Variants in SYT14 observed in about 807,000 individuals in gnomAD.
The protein encoded by SYT14 is synaptotagmin-14.
SYT14 carries 32 observed loss-of-function variants against 74.2 expected under a neutral mutation model. The ratio of observed to expected loss-of-function variants is 0.43; its 90% CI spans 0.33 to 0.58. The LOEUF (loss-of-function observed/expected upper bound fraction) is 0.58, where lower values mean the gene tolerates loss of function less well. SYT14 is among the 20% of genes least tolerant of loss of function. SYT14 has a pLI of 0.05. For synonymous variants in SYT14, 298 were observed against 337.7 expected, an observed-to-expected ratio of 0.88 and a Z score of 1.29; for missense variants, 791 against 981.8, an observed-to-expected ratio of 0.81 and a Z score of 2.60.
intron 5 of SYT14, among the ~76,000 whole-genome samples, chr1:210,056,466 C>A (rs1450284639): frequency 6.6e-6 from 1 of 151,970 alleles, no homozygotes; most frequent in Non-Finnish European, 1.5e-5. Flanking sequence ...CTTATTTCTT[C>A]TTTTATTAGT....
At chr1:210,100,590 C>A in intron 7 of SYT14, 129 bp downstream of exon 6, 1 of 899,698 alleles carries the variant, frequency 1.1e-6, no homozygotes, top group South Asian at 1.6e-5. Context: ...CATGCCTTTA[C>A]AAAAATATCT....
At chr1:210,007,373 G>A (rs1451158744) in intron 2 of SYT14, among the ~76,000 whole-genome samples, 2 of 151,686 alleles carry the variant, frequency 1.3e-5, no homozygotes, top group Non-Finnish European at 2.9e-5. Context: ...TCTTTATTGA[G>A]CACTACTAAT....
chr1:209,945,509 A>G (rs555379526), intron 1 of SYT14, among the ~76,000 whole-genome samples: 2 of 152,232 alleles, frequency 1.3e-5, no homozygotes, highest in African/African-American at 2.4e-5. Flanking sequence ...TGTACAGTGT[A>G]GGTGTCTGCA....
chr1:210,103,586 A>G (rs905838045), intron 7 of SYT14, among the ~76,000 whole-genome samples: 14 of 151,260 alleles, frequency 9.3e-5, no homozygotes, highest in African/African-American at 3.4e-4. Context: ...ACATTAAGAT[A>G]TAGTTTGAAG....
intron 5 of SYT14, among the ~76,000 whole-genome samples, chr1:210,075,232 C>T (rs527345577): frequency 1.7e-4 from 26 of 152,266 alleles, no homozygotes; most frequent in South Asian, 6.2e-4. Context: ...CTTCCGCTGG[C>T]GTGCTCCCCT....
intron 1 of SYT14, among the ~76,000 whole-genome samples, chr1:209,944,595 AT>A (rs2078792001): frequency 1.3e-5 from 2 of 152,298 alleles, no homozygotes; most frequent in African/African-American, 4.8e-5. Context: ...TAGTAGAAAT[AT>A]CATAGATGAA....
At chr1:210,106,002 G>A (rs553807049) in intron 7 of SYT14, among the ~76,000 whole-genome samples, 9 of 152,254 alleles carry the variant, frequency 5.9e-5, no homozygotes, top group South Asian at 4.1e-4. Flanking sequence ...CCAATTAAAC[G>A]TCTTTTCTTT....
chr1:209,951,746 T>G (rs1396423562), intron 1 of SYT14, among the ~76,000 whole-genome samples: 1 of 152,192 alleles, frequency 6.6e-6, no homozygotes, highest in East Asian at 1.9e-4. Context: ...TGCATATGTA[T>G]GCATGAATAT....
At chr1:210,087,768 C>G (rs967981574) in intron 5 of SYT14, among the ~76,000 whole-genome samples, 2 of 152,130 alleles carry the variant, frequency 1.3e-5, no homozygotes, top group African/African-American at 4.8e-5. Context: ...TCACTGGGGC[C>G]CAGGCCCTGA....
At chr1:210,130,645 C>T (rs2082655062) in intron 7 of SYT14, among the ~76,000 whole-genome samples, 2 of 152,060 alleles carry the variant, frequency 1.3e-5, no homozygotes, top group African/African-American at 4.8e-5. Flanking sequence ...TGTAAAATGA[C>T]AGAAGGAATG....
Position 210,124,399 on chromosome 1 carries a change from G to A in SYT14, c.2034+23938G>A, listed in dbSNP as rs549304441. Among the ~76,000 whole-genome samples, 20 of 152,224 alleles carry A rather than the reference G, an allele frequency of 1.3e-4. No homozygotes were observed. In the South Asian group the frequency reaches 3.7e-3, roughly 28 times the overall value. Reference sequence around the variant, plus strand: ...GTGATTCATAAAGAAAGAAAACAGAGGGGAGGAAGTTGTATTAAAAATACA... The same window carrying A: ...GTGATTCATAAAGAAAGAAAACAGAAGGGAGGAAGTTGTATTAAAAATACA... On this transcript the variant is annotated intron_variant, in intron 7 of 9. Coordinates refer to ENST00000637265, the Ensembl canonical transcript of SYT14.
At chr1:209,986,651 C>T (rs549939822) in intron 2 of SYT14, among the ~76,000 whole-genome samples, 5 of 152,034 alleles carry the variant, frequency 3.3e-5, no homozygotes, top group South Asian at 2.1e-4. Context: ...TACCTTAAAT[C>T]ATCTTTCTTT....
At chr1:210,020,988 G>T (rs776606166) in intron 4 of SYT14, 51 bp from the exon 4 acceptor site, 2 of 1,537,692 alleles carry the variant, frequency 1.3e-6, no homozygotes, top group African/African-American at 1.4e-5. Context: ...CAGGTGAGGG[G>T]AGGGAATTTT....
exon 10 of SYT14, chr1:210,168,200 G>C (rs2083476310): frequency 6.6e-6 from 1 of 152,128 alleles, no homozygotes; most frequent in South Asian, 2.1e-4. Flanking sequence ...TAATTTTATT[G>C]TAAAATTTCA....
intron 5 of SYT14, among the ~76,000 whole-genome samples, chr1:210,054,579 A>C (rs2081061966): frequency 6.6e-6 from 1 of 152,294 alleles, no homozygotes; most frequent in African/African-American, 2.4e-5. Flanking sequence ...TAACAGTGAT[A>C]CGTAGAAAAG....
At chr1:209,966,122 A>C (rs2079153935) in intron 2 of SYT14, 1 of 343,954 alleles carries the variant, frequency 2.9e-6, no homozygotes, top group Admixed American at 3.9e-5. Context: ...TGCCTGCCTC[A>C]ACCTCGCAAA....
chr1:209,966,774 G>A (rs2079164344), intron 2 of SYT14, among the ~76,000 whole-genome samples: 1 of 152,122 alleles, frequency 6.6e-6, no homozygotes. Flanking sequence ...TATGAATAAT[G>A]ACAGTTTTAC....
At chr1:210,136,728 T>A (rs963275750) in intron 7 of SYT14, among the ~76,000 whole-genome samples, 1 of 152,152 alleles carries the variant, frequency 6.6e-6, no homozygotes, top group Non-Finnish European at 1.5e-5. Context: ...ACTTAGTAAC[T>A]TTGGCGAAGA....
chr1:210,037,745 T>G (rs2080699900), intron 5 of SYT14, among the ~76,000 whole-genome samples: 1 of 152,084 alleles, frequency 6.6e-6, no homozygotes, highest in Non-Finnish European at 1.5e-5. Flanking sequence ...TGTATAGTTT[T>G]GAGCATTCCT....
Sources: gnomAD v4.1 joint callset for allele counts (sites outside exome capture counted in the v4.1 genomes callset) on GRCh38, gnomAD v4.1.1 for gene constraint, MANE v1.5 for transcripts, NCBI Gene and HGNC (gene_info 2026-07-23, HGNC 2026-07-21) for gene names.